Variants in SPNS3 observed in about 807,000 individuals in gnomAD.
The protein encoded by SPNS3 is protein spinster homolog 3.
SPNS3 carries 51 observed loss-of-function variants against 54.4 expected under a neutral mutation model. That is an observed-to-expected ratio of 0.94 (90% confidence interval 0.75 to 1.18). The LOEUF is 1.18. Ranked by LOEUF, SPNS3 falls within the 50% of genes most tolerant of loss-of-function variation. The probability of loss-of-function intolerance (pLI) is 0.00; values close to 1 mark genes in which losing one functional copy is unlikely to be tolerated. For synonymous variants in SPNS3, 309 were observed against 294.7 expected (o/e 1.05, Z -0.50); for missense variants, 669 against 677.4 (o/e 0.99, Z 0.14).
chr17:4,476,513 G>T (rs367728222), intron 8 of SPNS3, among the ~76,000 whole-genome samples: 12 of 152,340 alleles, frequency 7.9e-5, no homozygotes, highest in Admixed American at 2.0e-4. Context: ...CAATGTGAAG[G>T]GGGGAGAGGC....
rs1335493374 is a variant in SPNS3 at position 4,487,831 on chromosome 17, C to G, written c.1476C>G (p.Asp492Glu). 6.2e-7 allele frequency: 1 copy of G among 1,614,118 alleles called. No individual in the cohort carries two copies. The highest frequency in any genetic ancestry group is 8.5e-7 in the Non-Finnish European group (1 of 1,179,908). ...VTGTPDSNDV[D>E]SNDLERQGLL... ...GGACCCCAGACAGCAATGATGTGGA[C>G]AGCAACGACCTGGAGAGACAAGGCC... The change falls in exon 12 of 12, where the codon GAC becomes GAG. Residue 492 changes from aspartate (D) to glutamate (E), a missense_variant. Transcript: ENST00000355530.
At chr17:4,460,763 T>C (rs1317669072) in intron 8 of SPNS3, among the ~76,000 whole-genome samples, 2 of 151,992 alleles carry the variant, frequency 1.3e-5, no homozygotes, top group African/African-American at 2.4e-5. Context: ...TTTGAGTTTG[T>C]AGTATTTTGT....
intron 8 of SPNS3, among the ~76,000 whole-genome samples, chr17:4,455,673 G>A (rs908299906): frequency 6.6e-6 from 1 of 152,142 alleles, no homozygotes; most frequent in South Asian, 2.1e-4. Context: ...CCCCACTGCC[G>A]CCCTCTCCCC....
chr17:4,451,044 C>T (rs1176660405), intron 7 of SPNS3, among the ~76,000 whole-genome samples: 5 of 151,910 alleles, frequency 3.3e-5, no homozygotes, highest in African/African-American at 4.8e-5. Context: ...TAGGGGCTGG[C>T]GGGGGTGCAT....
chr17:4,473,560 G>T (rs1051146504), intron 8 of SPNS3, among the ~76,000 whole-genome samples: 1 of 151,902 alleles, frequency 6.6e-6, no homozygotes, highest in African/African-American at 2.4e-5. Flanking sequence ...GCTAATTTTT[G>T]TATTTTTAGT....
In SPNS3 at chr17:4,470,826, G is replaced by A. The variant is rs79707041; in HGVS notation, c.1114-7746G>A. On this transcript the variant is annotated intron_variant, in intron 8 of 11. Coordinates refer to ENST00000355530, the MANE Select transcript of SPNS3 (RefSeq NM_182538.5). ...ATACTAGCTATGAAAGAGGACACCA[G>A]CCTTCTTATACCTCCTCTCTCCCTT... 4.8e-3 allele frequency among the ~76,000 whole-genome samples: 738 copies of A among 152,304 alleles called. 6 individuals are homozygous for A. Among genetic ancestry groups the A allele is most frequent in the African/African-American group, 0.017 (708 of 41,568 alleles).
rs774746113 is a variant in SPNS3, at chr17:4,446,111, A to G, written c.466A>G (p.Ile156Val). Residue 156 changes from isoleucine (I) to valine (V), a missense_variant, in exon 4 of 12, where the codon ATC (isoleucine) becomes GTC (valine). Transcript: ENST00000355530. Reference protein sequence around the residue: ...VGTGSASYSTIAPTVLGDLFV... With the variant: ...VGTGSASYSTVAPTVLGDLFV... ...CACTGGCTCGGCCAGCTACTCCACC[A>G]TCGCGCCCACCGTCCTGGGCGACCT... 2.4e-5 allele frequency: 39 copies of G among 1,613,242 alleles called. No homozygotes were observed. Among genetic ancestry groups the G allele is most frequent in the Non-Finnish European group, 3.2e-5 (38 of 1,179,522 alleles).
At chr17:4,445,700 G>A (rs553580375) in intron 3 of SPNS3, among the ~76,000 whole-genome samples, 32 of 152,090 alleles carry the variant, frequency 2.1e-4, no homozygotes, top group Non-Finnish European at 3.2e-4. Context: ...TTCTTAACAG[G>A]AGGCCCCCTC....
At chr17:4,444,340 G>A (rs557588748) in intron 2 of SPNS3, among the ~76,000 whole-genome samples, 5 of 151,434 alleles carry the variant, frequency 3.3e-5, no homozygotes, top group Middle Eastern at 3.4e-3. Context: ...TCATCCTCTC[G>A]AGTAGCTGGG....
rs55928003 is a variant in SPNS3, at chr17:4,461,361, C to CTTTTTTTTTTT, written c.1113+8172_1113+8182dup. ...TATTTGCTTTCTTTTCTTTTCTTTT[C>CTTTTTTTTTTT]TTTTTTTTTTTTTTTTTTTTTTTTT... On this transcript the variant is annotated intron_variant, in intron 8 of 11. Coordinates refer to ENST00000355530, the MANE Select transcript of SPNS3 (RefSeq NM_182538.5). 6.6e-3 allele frequency among the ~76,000 whole-genome samples: 222 copies of CTTTTTTTTTTT among 33,420 alleles called. 35 individuals carry two copies. Among genetic ancestry groups the CTTTTTTTTTTT allele is most frequent in the Non-Finnish European group, 9.8e-3 (163 of 16,580 alleles). 21.9% of individuals were successfully genotyped at this position (33,420 alleles called of 152,430 possible).
At chr17:4,454,042 G>T (rs1971239472) in intron 8 of SPNS3, among the ~76,000 whole-genome samples, 1 of 152,014 alleles carries the variant, frequency 6.6e-6, no homozygotes, top group Non-Finnish European at 1.5e-5. Flanking sequence ...TGTGCATCCT[G>T]AAATCCTCCT....
chr17:4,477,034 C>T (rs1972021401), intron 8 of SPNS3, among the ~76,000 whole-genome samples: 1 of 152,218 alleles, frequency 6.6e-6, no homozygotes, highest in African/African-American at 2.4e-5. Context: ...TCCAGGGGCC[C>T]CCTGCCCATC....
chr17:4,486,457 C>T lies in SPNS3; in HGVS notation c.1324C>T (p.Arg442Cys), dbSNP rs142399682. 3.7e-5 allele frequency: 59 copies of T among 1,612,578 alleles called. No individual in the cohort carries two copies. Among genetic ancestry groups the T allele is most frequent in the Middle Eastern group, 1.6e-4 (1 of 6,074 alleles). ...RARRPDSYLQ[R>C]FRSLQQSFLC... ...CAGGCGCCCTGACTCCTATCTGCAGCGCTTCCGCAGCCTGCAGCAGAGCTT... is the reference window on the plus strand; with the variant it reads ...CAGGCGCCCTGACTCCTATCTGCAGTGCTTCCGCAGCCTGCAGCAGAGCTT... Residue 442 changes from arginine to cysteine, a missense_variant, in exon 11 of 12, where the codon CGC becomes TGC. Coordinates refer to ENST00000355530, the MANE Select transcript of SPNS3 (RefSeq NM_182538.5). This position sits in a 1 kb window ranked among gnomAD's most constrained non-coding sequence, Gnocchi z 5.5.
intron 8 of SPNS3, among the ~76,000 whole-genome samples, chr17:4,469,463 A>G (rs1170610826): frequency 1.3e-5 from 2 of 152,074 alleles, no homozygotes; most frequent in Non-Finnish European, 2.9e-5. Flanking sequence ...TACTAAAAAT[A>G]TAGAAATTAG....
chr17:4,439,688 A>G lies in SPNS3; in HGVS notation c.230A>G (p.Gln77Arg), dbSNP rs1433850867. ...GVLLDIQEVFQISDNHAGLLQ... is the reference protein window; with the variant it reads ...GVLLDIQEVFRISDNHAGLLQ... ...CTGCTGGATATACAGGAGGTTTTCCAGATCAGTGACAACCATGCTGGTTTG... is the reference window on the plus strand; with the variant it reads ...CTGCTGGATATACAGGAGGTTTTCCGGATCAGTGACAACCATGCTGGTTTG... The change falls in exon 2 of 12, where the codon CAG (glutamine) becomes CGG (arginine). Residue 77 changes from glutamine to arginine, a missense_variant. Transcript: ENST00000355530. The G allele has an allele frequency of 2.5e-6, 4 of 1,613,334 alleles. No individual in the cohort carries two copies. Among genetic ancestry groups the G allele is most frequent in the Non-Finnish European group, 3.4e-6 (4 of 1,179,784 alleles).
At position 4,445,167 on chromosome 17, in the gene SPNS3, G is replaced by C. The variant is rs141797761; in HGVS notation, c.401G>C (p.Arg134Pro). Residue 134 changes from arginine (R) to proline (P), a missense_variant and splice_region_variant, in exon 3 of 12, where the codon CGG (arginine) becomes CCG (proline). Arg to Pro is a moderately radical substitution (Grantham distance 103). Coordinates refer to ENST00000355530, the MANE Select transcript of SPNS3 (RefSeq NM_182538.5). Reference sequence around the variant, plus strand: ...CTCTCTAGCTCCTTCATCTCCCCCCGGGTACGTGTCCATGCCCCTGTCCAG... The same window carrying C: ...CTCTCTAGCTCCTTCATCTCCCCCCCGGTACGTGTCCATGCCCCTGTCCAG... ...AGLSSSFISPRYSWLFFLSRG... is the reference protein window; with the variant it reads ...AGLSSSFISPPYSWLFFLSRG... The C allele has an allele frequency of 2.5e-6, 4 of 1,611,938 alleles. No individual in the cohort carries two copies. In the Admixed American group the frequency reaches 5.0e-5, roughly 20 times the overall value.
At chr17:4,454,660 A>C in intron 8 of SPNS3, among the ~76,000 whole-genome samples, 1 of 120,504 alleles carries the variant, frequency 8.3e-6, no homozygotes. Context: ...TCTGTCGCCC[A>C]GGCTGGAGTG....
chr17:4,483,335 C>A lies in SPNS3; in HGVS notation c.1180-2893C>A, dbSNP rs1282486014. 2.0e-5 allele frequency: 3 copies of A among 152,342 alleles called. No individual in the cohort carries two copies. Among genetic ancestry groups the A allele is most frequent in the African/African-American group, 7.2e-5 (3 of 41,552 alleles). The allele number at this position is 152,342 out of a possible 1,614,324, so 9.4% of individuals were successfully genotyped here. A position where few individuals can be genotyped will look rare whatever the true frequency, so the allele number is the denominator to read the frequency against. ...TAGAGTGAGCCTGGATTTTTGGGAACCCAAAGCCTCTTATTTCTGAAATTA... is the reference window on the plus strand; with the variant it reads ...TAGAGTGAGCCTGGATTTTTGGGAAACCAAAGCCTCTTATTTCTGAAATTA... On this transcript the variant is annotated intron_variant, in intron 9 of 11. Coordinates refer to ENST00000355530, the MANE Select transcript of SPNS3 (RefSeq NM_182538.5). The surrounding 1 kb of genome is among the most constrained non-coding windows in gnomAD (Gnocchi z 4.2).
chr17:4,481,440 T>C (rs1289914142), intron 9 of SPNS3, among the ~76,000 whole-genome samples: 1 of 151,836 alleles, frequency 6.6e-6, no homozygotes, highest in Non-Finnish European at 1.5e-5. Flanking sequence ...CCTTAGGGTG[T>C]GTGTGAACAG....
Sources: allele counts gnomAD v4.1 joint callset (sites outside exome capture counted in the v4.1 genomes callset), GRCh38; gene constraint gnomAD v4.1.1; non-coding constraint Gnocchi (gnomAD v3.1); transcripts MANE v1.5; gene names NCBI Gene and HGNC (gene_info 2026-07-23, HGNC 2026-07-21).